SLC8B1: variants seen among roughly 807,000 people sequenced by gnomAD.
SLC8B1 encodes the protein mitochondrial sodium/calcium exchanger protein.
SLC8B1 carries 52 observed loss-of-function variants against 63.4 expected under a neutral mutation model. The ratio of observed to expected loss-of-function variants is 0.82; its 90% CI spans 0.66 to 1.03. SLC8B1 has a LOEUF of 1.03. SLC8B1 is among the 50% of genes least tolerant of loss of function. The pLI is 0.00. For missense variants in SLC8B1, 657 were observed against 741.7 expected (o/e 0.89, Z 1.33); for synonymous variants, 336 against 323.9 (o/e 1.04, Z -0.40).
intron 11 of SLC8B1, among the ~76,000 whole-genome samples, chr12:113,310,702 G>C (rs1344551114): frequency 6.6e-6 from 1 of 152,100 alleles, no homozygotes; most frequent in African/African-American, 2.4e-5. Flanking sequence ...CTCCAGCCAG[G>C]CATTACCAGT....
intron 14 of SLC8B1, 55 bp downstream of exon 14, chr12:113,306,440 C>G: frequency 2.0e-6 from 3 of 1,466,542 alleles, no homozygotes; most frequent in Non-Finnish European, 2.8e-6. Flanking sequence ...TGGAGCACAC[C>G]CCACCCACGG....
chr12:113,320,235 C>A lies in SLC8B1; in HGVS notation c.694+96G>T, dbSNP rs1956901671. On this transcript the variant is annotated intron_variant, in intron 7 of 15. Coordinates refer to ENST00000680972, the MANE Select transcript of SLC8B1 (RefSeq NM_001358345.2). The surrounding 1 kb of genome is among the most constrained non-coding windows in gnomAD (Gnocchi z 5.3). ...TCACTTGTAATCAAATCAAAGCCCC[C>A]ACTGACCACCCCTCACACCTCTCTG... 1.4e-6 allele frequency: 2 copies of A among 1,411,746 alleles called. No homozygotes were observed. Among genetic ancestry groups the A allele is most frequent in the Admixed American group, 4.4e-5 (2 of 45,306 alleles). The allele number at this position is 1,411,746 out of a possible 1,614,324, so 87.5% of individuals were successfully genotyped here. A position where few individuals can be genotyped will look rare whatever the true frequency, so the allele number is the denominator to read the frequency against.
intron 11 of SLC8B1, among the ~76,000 whole-genome samples, chr12:113,310,924 G>A (rs190176493): frequency 2.0e-5 from 3 of 152,338 alleles, no homozygotes; most frequent in South Asian, 2.1e-4. Context: ...TCTTAAAGAC[G>A]ATGAATAGTT....
rs758391844 is a variant in SLC8B1, at chr12:113,321,045, G to GC, written c.362+10dup. ...TTGATAAGCCAGACCGGAGCCCAGA[G>GC]CCAAACTCACAACTTGGCTGCGGTG... is the stretch of plus-strand genomic sequence containing the variant. On this transcript the variant is annotated intron_variant, in intron 4 of 15. Coordinates refer to ENST00000680972, the MANE Select transcript of SLC8B1 (RefSeq NM_001358345.2). The GC allele has an allele frequency of 6.2e-7, 1 of 1,610,594 alleles. No homozygotes were observed. The highest frequency in any genetic ancestry group is 8.5e-7 in the Non-Finnish European group (1 of 1,178,354).
rs372683660 is a variant in SLC8B1, at chr12:113,316,944, T to C, written c.860A>G (p.Tyr287Cys). 44 of 1,613,370 alleles carry C rather than the reference T, an allele frequency of 2.7e-5. No homozygotes were observed. Among genetic ancestry groups the C allele is most frequent in the African/African-American group, 1.2e-4 (9 of 74,926 alleles). Reference sequence around the variant, plus strand: ...CTGGGCACAGGGCACGGACTCACCGTAGTCATAGCTGTTGGTATTAGAAGA... The same window carrying C: ...CTGGGCACAGGGCACGGACTCACCGCAGTCATAGCTGTTGGTATTAGAAGA... ...RVSSNTNSYD[Y>C]GDEYRPLFFY... The change falls in exon 9 of 16, where the codon TAC (tyrosine) becomes TGC (cysteine). Residue 287 changes from tyrosine (Y) to cysteine (C), a missense_variant and splice_region_variant. Transcript: ENST00000680972.
At chr12:113,310,151 T>C in intron 12 of SLC8B1, 83 bp downstream of exon 12, 1 of 1,512,142 alleles carries the variant, frequency 6.6e-7, no homozygotes, top group Non-Finnish European at 8.8e-7. Flanking sequence ...CTGGTCAAAG[T>C]GCCTCAGAGA....
At chr12:113,306,066 C>CA (rs60824560) in intron 14 of SLC8B1, among the ~76,000 whole-genome samples, 4,431 of 17,962 alleles carry the variant, frequency 0.25, 966 homozygotes, top group African/African-American at 0.32. Flanking sequence ...CCCCACCCTG[C>CA]AAAAAAAAAA....
At position 113,316,582 on chromosome 12, in the gene SLC8B1, C is replaced by G; in HGVS notation, c.937G>C (p.Asp313His). The change falls in exon 10 of 16, where the codon GAT becomes CAT. Residue 313 changes from aspartate (D) to histidine (H), a missense_variant. Coordinates refer to ENST00000680972, the MANE Select transcript of SLC8B1 (RefSeq NM_001358345.2). ...GATTTCCTTCTCCACTTCATGTAATCCAGGGGATTGAGGGCCCGGACCAGG... is the reference window on the plus strand; with the variant it reads ...GATTTCCTTCTCCACTTCATGTAATGCAGGGGATTGAGGGCCCGGACCAGG... ...QILVRALNPL[D>H]YMKWRRKSAY... is the part of the protein sequence containing the mutation. The G allele has an allele frequency of 6.2e-7, 1 of 1,614,208 alleles. No homozygotes were observed. Among genetic ancestry groups the G allele is most frequent in the Non-Finnish European group, 8.5e-7 (1 of 1,180,038 alleles).
chr12:113,319,207 G>A, intron 7 of SLC8B1, 136 bp from the exon 8 acceptor site: 1 of 660,372 alleles, frequency 1.5e-6, no homozygotes, highest in Non-Finnish European at 2.8e-6. Flanking sequence ...TGGGTAAATG[G>A]CCTTTTCCTT....
At chr12:113,310,587 T>C (rs1360028367) in intron 11 of SLC8B1, among the ~76,000 whole-genome samples, 1 of 152,172 alleles carries the variant, frequency 6.6e-6, no homozygotes, top group African/African-American at 2.4e-5. Context: ...GGAACTAGGA[T>C]AGGAATGGCT....
intron 11 of SLC8B1, 61 bp from the exon 12 acceptor site, chr12:113,310,416 G>T: frequency 1.3e-6 from 2 of 1,568,986 alleles, no homozygotes; most frequent in Non-Finnish European, 1.7e-6. Flanking sequence ...ACTTACAATG[G>T]ACTATTTGGA....
rs75952727 is a variant in SLC8B1 at position 113,326,788 on chromosome 12, C to T, written c.157-5440G>A. ...AACTCTTAGGCTTAAGGAATTCCCC[C>T]GACTTCAACCTCCCAAGTGGCTGGA... On this transcript the variant is annotated intron_variant, in intron 2 of 15. Transcript: ENST00000680972. Among the ~76,000 whole-genome samples, 77 of 151,936 alleles carry T rather than the reference C, an allele frequency of 5.1e-4. No homozygotes were observed. The East Asian group carries it at 0.012, about 23-fold the overall frequency.
chr12:113,328,505 G>A (rs1957022393), intron 2 of SLC8B1, among the ~76,000 whole-genome samples: 1 of 152,012 alleles, frequency 6.6e-6, no homozygotes, highest in South Asian at 2.1e-4. Context: ...CCTGTTTTTG[G>A]TCCCTGTGTT....
chr12:113,333,390 C>T (rs1002287645), intron 1 of SLC8B1, among the ~76,000 whole-genome samples: 87 of 152,348 alleles, frequency 5.7e-4, no homozygotes, highest in African/African-American at 2.1e-3. Context: ...GCCTCTGGGC[C>T]ACCAGTTTGA....
intron 2 of SLC8B1, among the ~76,000 whole-genome samples, chr12:113,327,771 T>C (rs1170390593): frequency 1.3e-5 from 2 of 148,266 alleles, no homozygotes. Flanking sequence ...TCACCTGAGG[T>C]CAGGAGTTCG....
rs894820786 is a variant in SLC8B1, at chr12:113,305,493, G to A, written c.1492+1002C>T. 6.6e-6 allele frequency among the ~76,000 whole-genome samples: 1 copy of A among 152,180 alleles called. No individual in the cohort carries two copies. The stretch of plus-strand genomic sequence containing the variant: ...ACTGCTGGCCGAATGCCTGCCGTGC[G>A]CCAGGCACTGTCTGGAACCCACAAC... On this transcript the variant is annotated intron_variant, in intron 14 of 15. Transcript: ENST00000680972. This position sits in a 1 kb window ranked among gnomAD's most constrained non-coding sequence, Gnocchi z 4.3.
At chr12:113,315,586 G>GA in intron 10 of SLC8B1, 110 bp from the exon 11 acceptor site, 3 of 1,315,998 alleles carry the variant, frequency 2.3e-6, no homozygotes, top group Non-Finnish European at 3.0e-6. Flanking sequence ...CTGAAGCACT[G>GA]ACTGTGTGCG....
At chr12:113,300,684 TC>T (rs1956575891) in intron 15 of SLC8B1, among the ~76,000 whole-genome samples, 4 of 152,100 alleles carry the variant, frequency 2.6e-5, no homozygotes, top group Admixed American at 2.0e-4. Context: ...AAAGGAACCT[TC>T]TCTTCCAACT....
At chr12:113,321,451 C>T (rs756226058) in intron 2 of SLC8B1, 103 bp from the exon 3 acceptor site, 70 of 1,476,058 alleles carry the variant, frequency 4.7e-5, no homozygotes, top group Non-Finnish European at 6.4e-5. Flanking sequence ...AGCCTGGTCT[C>T]CAAGGCCACC....
Sources: allele counts gnomAD v4.1 joint callset (sites outside exome capture counted in the v4.1 genomes callset), GRCh38; gene constraint gnomAD v4.1.1; non-coding constraint Gnocchi (gnomAD v3.1); transcripts MANE v1.5; gene names NCBI Gene and HGNC (gene_info 2026-07-23, HGNC 2026-07-21).